SEMA6D: variants seen among roughly 807,000 people sequenced by gnomAD.
SEMA6D encodes semaphorin 6D, also known as semaphorin-6D.
SEMA6D carries 35 observed loss-of-function variants against 106.6 expected under a neutral mutation model. The observed-to-expected ratio is 0.33, with a 90% CI of 0.25 to 0.44. The LOEUF is 0.44. SEMA6D is among the 20% of genes least tolerant of loss of function. SEMA6D has a pLI of 1.00. For synonymous variants in SEMA6D, 499 were observed against 487.7 expected, an observed-to-expected ratio of 1.02 and a Z score of -0.31; for missense variants, 1,185 against 1,345.9, an observed-to-expected ratio of 0.88 and a Z score of 1.87.
At chr15:47,383,588 ATTGT>A (rs2039717126) in intron 1 of SEMA6D, among the ~76,000 whole-genome samples, 1 of 152,080 alleles carries the variant, frequency 6.6e-6, no homozygotes, top group African/African-American at 2.4e-5. Flanking sequence ...TAATTTATTG[ATTGT>A]TTTCTATGGG....
chr15:47,262,252 C>T (rs181680057), intron 1 of SEMA6D, among the ~76,000 whole-genome samples: 6 of 152,168 alleles, frequency 3.9e-5, no homozygotes, highest in South Asian at 2.1e-4. Flanking sequence ...TTAAAATGGC[C>T]GTACTGCCCA....
chr15:47,458,525 TGGAATTAAATTA>T (rs1406104937), intron 2 of SEMA6D, among the ~76,000 whole-genome samples: 2 of 151,892 alleles, frequency 1.3e-5, no homozygotes, highest in African/African-American at 2.4e-5. Flanking sequence ...CTAGCCACAA[TGGAATTAAATTA>T]GGAATTAATA....
chr15:47,522,390 T>C (rs2044614867), intron 3 of SEMA6D, among the ~76,000 whole-genome samples: 1 of 152,216 alleles, frequency 6.6e-6, no homozygotes, highest in Non-Finnish European at 1.5e-5. Context: ...TTATAAATCA[T>C]ATGTCTTATT....
chr15:47,273,874 T>C (rs1156854547), intron 1 of SEMA6D, among the ~76,000 whole-genome samples: 1 of 152,178 alleles, frequency 6.6e-6, no homozygotes, highest in African/African-American at 2.4e-5. Flanking sequence ...CAGTGGAAAA[T>C]AAGTGATAGG....
At chr15:47,554,507 C>T (rs1179654257) in intron 3 of SEMA6D, among the ~76,000 whole-genome samples, 1 of 152,186 alleles carries the variant, frequency 6.6e-6, no homozygotes, top group Non-Finnish European at 1.5e-5. Flanking sequence ...CACAGATGAT[C>T]CTGGCCTTCC....
intron 4 of SEMA6D, among the ~76,000 whole-genome samples, chr15:47,666,653 T>TA (rs768174500): frequency 2.0e-5 from 3 of 152,192 alleles, no homozygotes; most frequent in Non-Finnish European, 2.9e-5. Context: ...ATTTTTTTCT[T>TA]AGAGTTATCA....
chr15:47,193,447 A>T (rs1177248402), intron 1 of SEMA6D, among the ~76,000 whole-genome samples: 1 of 152,166 alleles, frequency 6.6e-6, no homozygotes, highest in African/African-American at 2.4e-5. Flanking sequence ...CCACAAAAAG[A>T]TCTAAAATCT....
chr15:47,608,613 A>G (rs1030785961), intron 4 of SEMA6D, among the ~76,000 whole-genome samples: 7 of 152,120 alleles, frequency 4.6e-5, no homozygotes, highest in Non-Finnish European at 1.0e-4. Context: ...ATCACCTCCT[A>G]TATTTGGGTA....
intron 1 of SEMA6D, among the ~76,000 whole-genome samples, chr15:47,351,184 T>C (rs182151496): frequency 8.5e-5 from 13 of 152,320 alleles, no homozygotes; most frequent in Non-Finnish European, 1.5e-4. Context: ...TTATATCATA[T>C]CTATCCTTAA....
intron 3 of SEMA6D, among the ~76,000 whole-genome samples, chr15:47,586,516 A>G (rs1353521622): frequency 6.6e-6 from 1 of 152,238 alleles, no homozygotes; most frequent in Non-Finnish European, 1.5e-5. Flanking sequence ...GGCTAGGAAG[A>G]CCAAATATGG....
At chr15:47,232,209 T>C (rs953018846) in intron 1 of SEMA6D, among the ~76,000 whole-genome samples, 8 of 152,216 alleles carry the variant, frequency 5.3e-5, no homozygotes, top group Non-Finnish European at 7.4e-5. Flanking sequence ...GACTGCATCA[T>C]ATTCCACTGT....
chr15:47,619,619 A>G (rs1306863896), intron 4 of SEMA6D, among the ~76,000 whole-genome samples: 1 of 152,220 alleles, frequency 6.6e-6, no homozygotes. Context: ...CCACTAGACC[A>G]TATGAATCAG....
chr15:47,484,870 TG>T (rs2043252503), intron 3 of SEMA6D, among the ~76,000 whole-genome samples: 1 of 152,182 alleles, frequency 6.6e-6, no homozygotes, highest in Non-Finnish European at 1.5e-5. Context: ...TGTACAGTTG[TG>T]GGGATTGGAG....
chr15:47,594,189 T>C (rs2143026799), intron 3 of SEMA6D, among the ~76,000 whole-genome samples: 1 of 152,340 alleles, frequency 6.6e-6, no homozygotes, highest in Admixed American at 6.5e-5. Context: ...ATCACTATTA[T>C]AGAACTCATT....
At chr15:47,465,137 A>G (rs929283557) in intron 2 of SEMA6D, among the ~76,000 whole-genome samples, 2 of 152,138 alleles carry the variant, frequency 1.3e-5, no homozygotes, top group African/African-American at 4.8e-5. Flanking sequence ...TAAACACAAG[A>G]TCGTCTTCTG....
At chr15:47,701,592 T>G (rs2078813783) in intron 4 of SEMA6D, among the ~76,000 whole-genome samples, 1 of 152,224 alleles carries the variant, frequency 6.6e-6, no homozygotes, top group Non-Finnish European at 1.5e-5. Flanking sequence ...CTGCAATGTA[T>G]ACAGACTTTA....
At chr15:47,232,093 T>C (rs892703154) in intron 1 of SEMA6D, among the ~76,000 whole-genome samples, 1 of 152,006 alleles carries the variant, frequency 6.6e-6, no homozygotes, top group East Asian at 1.9e-4. Context: ...TTATTTAAAT[T>C]GAATCATAGA....
At chr15:47,419,737 G>A (rs1023504030) in intron 2 of SEMA6D, among the ~76,000 whole-genome samples, 9 of 152,154 alleles carry the variant, frequency 5.9e-5, no homozygotes, top group African/African-American at 2.2e-4. Flanking sequence ...TCCATAGGAA[G>A]TAGAGAATAA....
intron 4 of SEMA6D, among the ~76,000 whole-genome samples, chr15:47,665,544 T>G (rs953635311): frequency 6.6e-6 from 1 of 152,174 alleles, no homozygotes; most frequent in African/African-American, 2.4e-5. Flanking sequence ...GCATGGTGGC[T>G]CACACCTGTA....
Sources: gnomAD v4.1 joint callset for allele counts (sites outside exome capture counted in the v4.1 genomes callset) on GRCh38, gnomAD v4.1.1 for gene constraint, MANE v1.5 for transcripts, NCBI Gene and HGNC (gene_info 2026-07-23, HGNC 2026-07-21) for gene names.